MAGI2: variants seen among roughly 807,000 people sequenced by gnomAD.
MAGI2 encodes the protein membrane associated guanylate kinase, WW and PDZ domain containing 2.
A neutral mutation model predicts 133.3 loss-of-function variants in MAGI2; 35 were observed. The ratio of observed to expected loss-of-function variants is 0.26; its 90% CI spans 0.20 to 0.35. The LOEUF is 0.35. MAGI2 is among the 10% of genes least tolerant of loss of function. MAGI2 has a pLI of 1.00. For synonymous variants in MAGI2, 729 were observed against 710.6 expected, an observed-to-expected ratio of 1.03 and a Z score of -0.41; for missense variants, 1,636 against 1,863.4, an observed-to-expected ratio of 0.88 and a Z score of 2.25.
At chr7:78,332,241 T>C (rs1789284618) in intron 9 of MAGI2, among the ~76,000 whole-genome samples, 1 of 152,202 alleles carries the variant, frequency 6.6e-6, no homozygotes, top group East Asian at 1.9e-4. Flanking sequence ...ACAATAGCAT[T>C]TGGGTTACAA....
intron 1 of MAGI2, among the ~76,000 whole-genome samples, chr7:79,364,986 T>A (rs1011375368): frequency 6.6e-6 from 1 of 151,902 alleles, no homozygotes; most frequent in African/African-American, 2.4e-5. Flanking sequence ...GAGAAAATAT[T>A]TGCAAACCAC....
intron 10 of MAGI2, among the ~76,000 whole-genome samples, chr7:78,232,899 G>T (rs994296256): frequency 3.3e-5 from 5 of 152,202 alleles, no homozygotes; most frequent in African/African-American, 1.2e-4. Context: ...TGAATGCCAT[G>T]AAGGCAGAGG....
chr7:78,061,414 A>T (rs1317173427), intron 21 of MAGI2, among the ~76,000 whole-genome samples: 1 of 11,216 alleles, frequency 8.9e-5, no homozygotes, highest in Non-Finnish European at 2.1e-4. Context: ...GGTTGTACAC[A>T]CACACACACA....
intron 2 of MAGI2, among the ~76,000 whole-genome samples, chr7:78,980,974 ATCT>A (rs1293741215): frequency 6.6e-6 from 1 of 151,460 alleles, no homozygotes; most frequent in Admixed American, 6.6e-5. Context: ...TTATTTCATA[ATCT>A]TCTTGTCTTT....
intron 2 of MAGI2, among the ~76,000 whole-genome samples, chr7:78,981,924 C>G (rs1804825893): frequency 6.6e-6 from 1 of 151,856 alleles, no homozygotes; most frequent in Non-Finnish European, 1.5e-5. Flanking sequence ...TTGACAATTC[C>G]CTGGCTCAGC....
rs973624261 is a variant in MAGI2, at chr7:79,186,141, T to A, written c.302-178935A>T. Among the ~76,000 whole-genome samples, 106 of 148,256 alleles carry A rather than the reference T, an allele frequency of 7.1e-4. 1 individual carries two copies. The highest frequency in any genetic ancestry group is 2.6e-3 in the African/African-American group (105 of 40,314). Reference sequence around the variant, plus strand: ...TAAATGCATAGGATTACACCATTTTTACCATTTGTTTCCCAAATACTCTAG... The same window carrying A: ...TAAATGCATAGGATTACACCATTTTAACCATTTGTTTCCCAAATACTCTAG... On this transcript the variant is annotated intron_variant, in intron 1 of 21. Transcript: ENST00000354212.
intron 3 of MAGI2, among the ~76,000 whole-genome samples, chr7:78,542,379 G>T (rs1584561070): frequency 6.6e-6 from 1 of 152,034 alleles, no homozygotes; most frequent in East Asian, 1.9e-4. Flanking sequence ...TATGTACCTA[G>T]CAAATAAGCA....
At chr7:79,245,191 A>G (rs747688779) in intron 1 of MAGI2, among the ~76,000 whole-genome samples, 2 of 152,126 alleles carry the variant, frequency 1.3e-5, no homozygotes, top group Admixed American at 1.3e-4. Flanking sequence ...GTATGACCTG[A>G]CATATTCCCA....
intron 21 of MAGI2, among the ~76,000 whole-genome samples, chr7:78,076,302 C>A (rs757069386): frequency 6.6e-6 from 1 of 151,732 alleles, no homozygotes; most frequent in Non-Finnish European, 1.5e-5. Context: ...TACAAAAATA[C>A]AAACAATTAG....
chr7:78,388,614 A>G (rs894452056), intron 6 of MAGI2, among the ~76,000 whole-genome samples: 5 of 152,172 alleles, frequency 3.3e-5, no homozygotes, highest in Non-Finnish European at 7.3e-5. Context: ...TAATTGTTAA[A>G]TTGACATTAG....
chr7:78,879,314 G>C (rs1161570574), intron 2 of MAGI2, among the ~76,000 whole-genome samples: 1 of 152,082 alleles, frequency 6.6e-6, no homozygotes, highest in African/African-American at 2.4e-5. Context: ...CCATTGCCTG[G>C]GGCAACAGAG....
intron 3 of MAGI2, chr7:78,568,502 A>T (rs1801173122): frequency 6.6e-6 from 1 of 152,122 alleles, no homozygotes; most frequent in Admixed American, 6.6e-5. Flanking sequence ...TCAAGCCCCA[A>T]ATCTTGGAGT....
chr7:78,083,715 T>C (rs753546160), intron 20 of MAGI2, among the ~76,000 whole-genome samples: 1 of 152,262 alleles, frequency 6.6e-6, no homozygotes, highest in Non-Finnish European at 1.5e-5. Flanking sequence ...CTCACACATT[T>C]CTGCTCATAC....
chr7:78,928,844 A>G (rs1045099493), intron 2 of MAGI2, among the ~76,000 whole-genome samples: 3 of 152,110 alleles, frequency 2.0e-5, no homozygotes, highest in African/African-American at 7.2e-5. Flanking sequence ...GAAATTAACA[A>G]TATGATTCCT....
At chr7:78,744,123 T>G (rs1469506764) in intron 2 of MAGI2, among the ~76,000 whole-genome samples, 2 of 152,162 alleles carry the variant, frequency 1.3e-5, no homozygotes, top group Non-Finnish European at 2.9e-5. Context: ...TTTTTTAACA[T>G]GAGTAGGTAA....
intron 1 of MAGI2, among the ~76,000 whole-genome samples, chr7:79,037,365 G>A (rs960869905): frequency 1.3e-5 from 2 of 152,052 alleles, no homozygotes; most frequent in African/African-American, 4.8e-5. Context: ...ACTAGGAATT[G>A]TTGCTTTAAG....
At chr7:79,125,531 G>A (rs1820335640) in intron 1 of MAGI2, 7 of 513,950 alleles carry the variant, frequency 1.4e-5, no homozygotes, top group Non-Finnish European at 2.4e-5. Flanking sequence ...AGAAACCAGG[G>A]CAGTGGCTAT....
intron 1 of MAGI2, among the ~76,000 whole-genome samples, chr7:79,402,870 G>C (rs979238469): frequency 2.6e-5 from 4 of 152,140 alleles, no homozygotes; most frequent in African/African-American, 9.7e-5. Context: ...TAATATTATA[G>C]AGTGAATAAA....
At chr7:78,683,261 G>A (rs1313235074) in intron 2 of MAGI2, among the ~76,000 whole-genome samples, 1 of 152,098 alleles carries the variant, frequency 6.6e-6, no homozygotes, top group East Asian at 1.9e-4. Flanking sequence ...CTATTTAGAG[G>A]CTATTGCGAT....
Sources: gnomAD v4.1 joint callset for allele counts (sites outside exome capture counted in the v4.1 genomes callset) on GRCh38, gnomAD v4.1.1 for gene constraint, MANE v1.5 for transcripts, NCBI Gene and HGNC (gene_info 2026-07-23, HGNC 2026-07-21) for gene names.